Variants in KHDRBS3 observed in about 807,000 individuals in gnomAD.
The protein encoded by KHDRBS3 is KH RNA binding domain containing, signal transduction associated 3.
A neutral mutation model predicts 45.6 loss-of-function variants in KHDRBS3; 23 were observed. The observed-to-expected ratio is 0.50, with a 90% CI of 0.36 to 0.72. KHDRBS3 has a LOEUF of 0.72. Ranked by LOEUF, KHDRBS3 falls within the 30% of genes least tolerant of loss-of-function variation. KHDRBS3 has a pLI of 0.00. For synonymous variants in KHDRBS3, 162 were observed against 156.5 expected (o/e 1.04, Z -0.26); for missense variants, 352 against 424.8 (o/e 0.83, Z 1.51).
intron 1 of KHDRBS3, among the ~76,000 whole-genome samples, chr8:135,487,234 C>T (rs907047259): frequency 1.5e-4 from 23 of 152,110 alleles, no homozygotes; most frequent in Admixed American, 1.4e-3. Flanking sequence ...ATGAAAGAAA[C>T]GTGGTTCCTC....
chr8:135,469,692 C>T (rs1034840151), intron 1 of KHDRBS3, among the ~76,000 whole-genome samples: 1 of 152,212 alleles, frequency 6.6e-6, no homozygotes, highest in African/African-American at 2.4e-5. Context: ...CTATTCCCAG[C>T]TAATTTTTGT....
At chr8:135,507,001 T>C (rs924529120) in intron 1 of KHDRBS3, among the ~76,000 whole-genome samples, 1 of 152,212 alleles carries the variant, frequency 6.6e-6, no homozygotes, top group Non-Finnish European at 1.5e-5. Flanking sequence ...TATTGCCTCT[T>C]TTATGGAGCC....
intron 5 of KHDRBS3, among the ~76,000 whole-genome samples, chr8:135,562,343 A>G (rs1434240263): frequency 6.6e-6 from 1 of 152,204 alleles, no homozygotes; most frequent in African/African-American, 2.4e-5. Flanking sequence ...TACGGTATTC[A>G]GTACAATAAC....
downstream of KHDRBS3, among the ~76,000 whole-genome samples, chr8:135,652,071 TAA>T (rs1831441296): frequency 6.6e-6 from 1 of 152,210 alleles, no homozygotes; most frequent in African/African-American, 2.4e-5. Flanking sequence ...ATTTAAGGAA[TAA>T]AGTTTATTTT....
chr8:135,638,712 G>A (rs1435736007), intron 7 of KHDRBS3, among the ~76,000 whole-genome samples: 1 of 152,174 alleles, frequency 6.6e-6, no homozygotes, highest in Non-Finnish European at 1.5e-5. Flanking sequence ...CACTTTGGGA[G>A]GCCCAGGCAG....
At chr8:135,494,529 C>G (rs1823335544) in intron 1 of KHDRBS3, among the ~76,000 whole-genome samples, 2 of 152,072 alleles carry the variant, frequency 1.3e-5, no homozygotes, top group Admixed American at 1.3e-4. Context: ...CCACCCACCT[C>G]GGCCTCCTAA....
chr8:135,484,583 T>C (rs1157108750), intron 1 of KHDRBS3, among the ~76,000 whole-genome samples: 1 of 152,262 alleles, frequency 6.6e-6, no homozygotes, highest in African/African-American at 2.4e-5. Flanking sequence ...CTAATTTTAC[T>C]GCATTTTAAT....
intron 2 of KHDRBS3, among the ~76,000 whole-genome samples, chr8:135,533,645 C>T (rs188923660): frequency 4.6e-5 from 7 of 152,238 alleles, no homozygotes; most frequent in African/African-American, 1.7e-4. Flanking sequence ...TACTGATGGA[C>T]CTGCTTTATT....
At chr8:135,609,580 CCA>C (rs1829625666) in intron 7 of KHDRBS3, among the ~76,000 whole-genome samples, 1 of 151,880 alleles carries the variant, frequency 6.6e-6, no homozygotes, top group Non-Finnish European at 1.5e-5. Flanking sequence ...CAGGTGTGAG[CCA>C]CCACACCGGG....
downstream of KHDRBS3, among the ~76,000 whole-genome samples, chr8:135,648,813 G>A (rs1228496501): frequency 6.6e-6 from 1 of 152,036 alleles, no homozygotes; most frequent in Non-Finnish European, 1.5e-5. Context: ...GAGATTGGAG[G>A]CTCAGGTCAT....
chr8:135,603,305 AT>A (rs759064309), intron 6 of KHDRBS3, among the ~76,000 whole-genome samples: 1 of 152,216 alleles, frequency 6.6e-6, no homozygotes, highest in African/African-American at 2.4e-5. Flanking sequence ...TGAAGATTTA[AT>A]TTAATAGGAA....
At chr8:135,629,899 C>T (rs1830523525) in intron 7 of KHDRBS3, among the ~76,000 whole-genome samples, 1 of 152,180 alleles carries the variant, frequency 6.6e-6, no homozygotes, top group South Asian at 2.1e-4. Context: ...GCAGCAGACT[C>T]CACCCATATA....
At chr8:135,471,122 T>C (rs928960905) in intron 1 of KHDRBS3, among the ~76,000 whole-genome samples, 1 of 152,196 alleles carries the variant, frequency 6.6e-6, no homozygotes, top group Admixed American at 6.5e-5. Context: ...TGTATACTCC[T>C]TGAAATGTTA....
chr8:135,577,217 T>C (rs76079565), intron 5 of KHDRBS3, among the ~76,000 whole-genome samples: 2,028 of 152,310 alleles, frequency 0.013, 36 homozygotes, highest in African/African-American at 0.047. Context: ...AAAATGTTTG[T>C]TCACATTCAG....
chr8:135,497,168 T>C (rs1344192954), intron 1 of KHDRBS3, among the ~76,000 whole-genome samples: 1 of 152,178 alleles, frequency 6.6e-6, no homozygotes. Context: ...GGCTTCACTC[T>C]TTTACAAGGC....
At chr8:135,525,338 T>C (rs1430859067) in intron 2 of KHDRBS3, among the ~76,000 whole-genome samples, 1 of 152,158 alleles carries the variant, frequency 6.6e-6, no homozygotes, top group Non-Finnish European at 1.5e-5. Flanking sequence ...TTATACATAA[T>C]ATTTGGTTAT....
At chr8:135,466,002 C>T (rs369165465) in intron 1 of KHDRBS3, among the ~76,000 whole-genome samples, 2 of 152,152 alleles carry the variant, frequency 1.3e-5, no homozygotes, top group East Asian at 3.8e-4. Flanking sequence ...TGTTCTTTCT[C>T]TGCTTCAATG....
At chr8:135,536,252 T>A (rs1279951647) in intron 2 of KHDRBS3, among the ~76,000 whole-genome samples, 1 of 146,110 alleles carries the variant, frequency 6.8e-6, no homozygotes, top group African/African-American at 2.5e-5. Flanking sequence ...TTTTTTTTTT[T>A]TTTTTTTTTT....
At chr8:135,582,312 G>C (rs1185827021) in intron 6 of KHDRBS3, among the ~76,000 whole-genome samples, 1 of 152,144 alleles carries the variant, frequency 6.6e-6, no homozygotes, top group Non-Finnish European at 1.5e-5. Context: ...TTTGGGTGGT[G>C]GGGAGGTGTA....
Sources: gnomAD v4.1 joint callset for allele counts (sites outside exome capture counted in the v4.1 genomes callset) on GRCh38, gnomAD v4.1.1 for gene constraint, MANE v1.5 for transcripts, NCBI Gene and HGNC (gene_info 2026-07-23, HGNC 2026-07-21) for gene names.